FGGY: variants seen among roughly 807,000 people sequenced by gnomAD.
FGGY encodes FGGY carbohydrate kinase domain containing.
In FGGY, 72 loss-of-function variants were observed where a neutral mutation model predicts 71.3. That is an observed-to-expected ratio of 1.01 (90% CI 0.84 to 1.23). FGGY has a LOEUF of 1.23. Ranked by LOEUF, FGGY falls within the 50% of genes most tolerant of loss-of-function variation. The pLI, the probability that FGGY is intolerant of heterozygous loss-of-function variation, is 0.00. For synonymous variants in FGGY, 251 were observed against 250.3 expected, an observed-to-expected ratio of 1.00 and a Z score of -0.02; for missense variants, 668 against 682.3, an observed-to-expected ratio of 0.98 and a Z score of 0.23.
intron 2 of FGGY, among the ~76,000 whole-genome samples, chr1:59,339,101 T>C (rs958307027): frequency 3.9e-5 from 6 of 152,214 alleles, no homozygotes; most frequent in Admixed American, 6.5e-5. Flanking sequence ...TCATTAAAAA[T>C]ATTGTATAAA....
intron 14 of FGGY, among the ~76,000 whole-genome samples, chr1:59,688,454 A>G (rs983433968): frequency 2.0e-5 from 3 of 152,202 alleles, no homozygotes; most frequent in African/African-American, 4.8e-5. Context: ...TAGTAAGAAA[A>G]CTACATACAT....
intron 10 of FGGY, among the ~76,000 whole-genome samples, chr1:59,630,803 A>G (rs2096901298): frequency 6.6e-6 from 1 of 152,184 alleles, no homozygotes. Flanking sequence ...GAACTCAGTG[A>G]TGGAGTCAGA....
intron 5 of FGGY, among the ~76,000 whole-genome samples, chr1:59,414,754 C>A (rs1370999415): frequency 6.6e-6 from 1 of 152,134 alleles, no homozygotes; most frequent in Non-Finnish European, 1.5e-5. Context: ...GAGGTACTTA[C>A]CTTTGTGACC....
chr1:59,571,699 C>G, intron 8 of FGGY, among the ~76,000 whole-genome samples: 1 of 152,074 alleles, frequency 6.6e-6, no homozygotes, highest in East Asian at 1.9e-4. Flanking sequence ...TGAATCAACT[C>G]AAATTTCATC....
intron 4 of FGGY, among the ~76,000 whole-genome samples, chr1:59,353,359 A>G (rs1233343652): frequency 1.3e-5 from 2 of 152,228 alleles, no homozygotes; most frequent in Non-Finnish European, 2.9e-5. Context: ...TAAAGACTAA[A>G]ATATCCTATT....
At chr1:59,381,038 T>G (rs1420998740) in intron 5 of FGGY, among the ~76,000 whole-genome samples, 1 of 152,212 alleles carries the variant, frequency 6.6e-6, no homozygotes, top group Non-Finnish European at 1.5e-5. Context: ...GCACCATTTA[T>G]TAAATAGGGA....
intron 6 of FGGY, among the ~76,000 whole-genome samples, chr1:59,493,616 AG>A (rs1010308296): frequency 1.7e-4 from 26 of 152,166 alleles, no homozygotes; most frequent in Non-Finnish European, 3.7e-4. Flanking sequence ...GTAGAATGAT[AG>A]TTACCAGGGA....
At chr1:59,443,737 G>A (rs988712199) in intron 5 of FGGY, among the ~76,000 whole-genome samples, 2 of 152,214 alleles carry the variant, frequency 1.3e-5, no homozygotes, top group Non-Finnish European at 2.9e-5. Flanking sequence ...AAAATGTTTA[G>A]AAATGTTTTC....
chr1:59,524,550 G>A (rs906589506), intron 7 of FGGY, among the ~76,000 whole-genome samples: 3 of 152,146 alleles, frequency 2.0e-5, no homozygotes, highest in African/African-American at 7.2e-5. Flanking sequence ...TCCCTTCTGA[G>A]CCCGTAAAAA....
chr1:59,358,287 T>C (rs1404635476), intron 4 of FGGY, among the ~76,000 whole-genome samples: 1 of 152,192 alleles, frequency 6.6e-6, no homozygotes, highest in Non-Finnish European at 1.5e-5. Flanking sequence ...TTTTTCCTAT[T>C]ATCCAAAGTG....
Position 59,757,960 on chromosome 1 carries a change from G to T in FGGY, c.1542G>T (p.Gly514=). 6.2e-7 allele frequency: 1 copy of T among 1,613,382 alleles called. No individual in the cohort carries two copies. The highest frequency in any genetic ancestry group is 2.2e-5 in the East Asian group (1 of 44,840). Residue 514 remains glycine, a synonymous_variant, in exon 15 of 16, where the codon GGG becomes GGT. Coordinates refer to ENST00000303721, the MANE Select transcript of FGGY (RefSeq NM_018291.5). ...QEAMAKMSKV[G]KVVFPRLQDK... ...CAATGGCAAAAATGAGCAAAGTTGGGAAAGTTGTGTTCCCGAGACTACAGG... is the reference window on the plus strand; with the variant it reads ...CAATGGCAAAAATGAGCAAAGTTGGTAAAGTTGTGTTCCCGAGACTACAGG...
intron 14 of FGGY, chr1:59,699,431 C>G: frequency 1.0e-6 from 1 of 982,884 alleles, no homozygotes; most frequent in Non-Finnish European, 1.2e-6. Context: ...AATAGTGACA[C>G]CTAGGGGCTG....
chr1:59,634,137 T>A (rs1409775684), intron 10 of FGGY, among the ~76,000 whole-genome samples: 1 of 152,208 alleles, frequency 6.6e-6, no homozygotes, highest in Non-Finnish European at 1.5e-5. Context: ...CCGGTTGCAG[T>A]GGCTCACACC....
chr1:59,375,271 A>AG lies in FGGY; in HGVS notation c.466-3478_466-3477insG. On this transcript the variant is annotated intron_variant, in intron 4 of 15. Transcript: ENST00000303721. Reference sequence around the variant, plus strand: ...GAGACTCCATCTCAAAAAAGAAAAAAAAAAAAAAAAAAGAAACAAACAAAA... The same window carrying AG: ...GAGACTCCATCTCAAAAAAGAAAAAAGAAAAAAAAAAAAGAAACAAACAAAA... 2.0e-5 allele frequency among the ~76,000 whole-genome samples: 3 copies of AG among 151,114 alleles called. No individual in the cohort carries two copies. The South Asian group carries it at 6.3e-4, about 32-fold the overall frequency.
chr1:59,505,248 T>G (rs2153615836), intron 6 of FGGY, among the ~76,000 whole-genome samples: 1 of 152,326 alleles, frequency 6.6e-6, no homozygotes, highest in African/African-American at 2.4e-5. Context: ...GACTAGAAAG[T>G]AAGCTACTTG....
intron 4 of FGGY, among the ~76,000 whole-genome samples, chr1:59,354,500 C>T (rs75599557): frequency 0.025 from 3,866 of 152,294 alleles, 188 homozygotes; most frequent in African/African-American, 0.089. Flanking sequence ...ATCCAGAGTA[C>T]GGGCTTATCA....
intron 6 of FGGY, among the ~76,000 whole-genome samples, chr1:59,510,617 T>A (rs1379116244): frequency 6.6e-6 from 1 of 152,232 alleles, no homozygotes; most frequent in Non-Finnish European, 1.5e-5. Flanking sequence ...GAGCCACATA[T>A]GTAATCTTAA....
chr1:59,654,618 T>C (rs1190621111), intron 11 of FGGY, among the ~76,000 whole-genome samples: 1 of 152,194 alleles, frequency 6.6e-6, no homozygotes, highest in African/African-American at 2.4e-5. Flanking sequence ...TGCTAATACA[T>C]TTATTAATAA....
At chr1:59,544,376 G>A (rs527948045) in intron 7 of FGGY, among the ~76,000 whole-genome samples, 10 of 152,304 alleles carry the variant, frequency 6.6e-5, no homozygotes, top group South Asian at 4.2e-4. Context: ...AGTTTCATCC[G>A]TGTGATCCTT....
Sources: allele counts gnomAD v4.1 joint callset (sites outside exome capture counted in the v4.1 genomes callset), GRCh38; gene constraint gnomAD v4.1.1; transcripts MANE v1.5; gene names NCBI Gene and HGNC (gene_info 2026-07-23, HGNC 2026-07-21).